Variants in NDRG3 observed in about 807,000 individuals in gnomAD.
NDRG3 encodes NDRG family member 3, also known as protein NDRG3.
A neutral mutation model predicts 57.2 loss-of-function variants in NDRG3; 23 were observed. The observed-to-expected ratio is 0.40, with a 90% CI of 0.29 to 0.57. The LOEUF (loss-of-function observed/expected upper bound fraction) is 0.57, where lower values mean the gene tolerates loss of function less well. Ranked by LOEUF, NDRG3 falls within the 20% of genes least tolerant of loss-of-function variation. The probability of loss-of-function intolerance (pLI) is 0.42; values close to 1 mark genes in which losing one functional copy is unlikely to be tolerated. For missense variants in NDRG3, 384 were observed against 457.3 expected (o/e 0.84, Z 1.46); for synonymous variants, 132 against 162.6 (o/e 0.81, Z 1.43).
intron 6 of NDRG3, among the ~76,000 whole-genome samples, chr20:36,683,828 A>G (rs931905650): frequency 2.6e-5 from 4 of 151,722 alleles, no homozygotes; most frequent in Non-Finnish European, 4.4e-5. Context: ...ACCTACTACT[A>G]TCTACTTCAA....
At chr20:36,691,795 A>G (rs1364347625) in intron 3 of NDRG3, among the ~76,000 whole-genome samples, 1 of 152,236 alleles carries the variant, frequency 6.6e-6, no homozygotes, top group African/African-American at 2.4e-5. Flanking sequence ...TATTTCTCTT[A>G]CAGTAATGTC....
chr20:36,742,508 T>A (rs777400435), intron 1 of NDRG3, among the ~76,000 whole-genome samples: 2 of 152,216 alleles, frequency 1.3e-5, no homozygotes, highest in Non-Finnish European at 2.9e-5. Context: ...TGATTATGGA[T>A]ATTTACCAGG....
intron 3 of NDRG3, among the ~76,000 whole-genome samples, chr20:36,700,922 T>C (rs990832095): frequency 3.3e-5 from 5 of 152,044 alleles, no homozygotes; most frequent in African/African-American, 9.7e-5. Flanking sequence ...CACACATGCT[T>C]GCCATCATAC....
At chr20:36,662,340 G>A (rs188258665) in intron 12 of NDRG3, among the ~76,000 whole-genome samples, 14 of 150,786 alleles carry the variant, frequency 9.3e-5, no homozygotes, top group Admixed American at 4.7e-4. Flanking sequence ...CAATTCTCTC[G>A]CCAAGTAGCT....
intron 3 of NDRG3, among the ~76,000 whole-genome samples, chr20:36,698,682 TATA>T (rs1983003209): frequency 6.6e-6 from 1 of 152,092 alleles, no homozygotes; most frequent in Non-Finnish European, 1.5e-5. Context: ...CAACCTTCTC[TATA>T]ATGTCAAAAA....
Position 36,665,230 on chromosome 20 carries a change from A to G in NDRG3, c.758+6T>C. The G allele has an allele frequency of 6.2e-7, 1 of 1,614,010 alleles. No individual in the cohort carries two copies. Among genetic ancestry groups the G allele is most frequent in the Non-Finnish European group, 8.5e-7 (1 of 1,179,860 alleles). On this transcript the variant is annotated splice_donor_region_variant and intron_variant, in intron 11 of 15. Coordinates refer to ENST00000349004, the MANE Select transcript of NDRG3 (RefSeq NM_032013.4). The stretch of plus-strand genomic sequence containing the variant: ...GCAAGTCAGCTGAGGAAACTGAGGA[A>G]CTTACTTTAATGTTTTTGATTTGTT...
intron 2 of NDRG3, among the ~76,000 whole-genome samples, chr20:36,710,017 A>G (rs1207725370): frequency 6.6e-6 from 1 of 152,172 alleles, no homozygotes; most frequent in Non-Finnish European, 1.5e-5. Flanking sequence ...ACATTAAAAT[A>G]TGCATTAAAA....
chr20:36,689,464 G>A (rs1268330568), intron 3 of NDRG3, among the ~76,000 whole-genome samples: 1 of 152,086 alleles, frequency 6.6e-6, no homozygotes, highest in African/African-American at 2.4e-5. Context: ...AAAAATCAGA[G>A]GTTTTGGAGC....
chr20:36,738,268 C>T (rs1985709479), intron 1 of NDRG3, among the ~76,000 whole-genome samples: 1 of 150,996 alleles, frequency 6.6e-6, no homozygotes, highest in South Asian at 2.1e-4. Context: ...TCTCCTAGCA[C>T]TTTCGGAGGC....
intron 8 of NDRG3, among the ~76,000 whole-genome samples, chr20:36,676,371 TTAAAA>T (rs1342302716): frequency 1.4e-4 from 21 of 152,264 alleles, no homozygotes; most frequent in African/African-American, 4.6e-4. Flanking sequence ...TAGTTTTAGA[TTAAAA>T]TAACATACAC....
chr20:36,709,539 T>C (rs1356588857), intron 2 of NDRG3, among the ~76,000 whole-genome samples: 1 of 152,206 alleles, frequency 6.6e-6, no homozygotes, highest in Non-Finnish European at 1.5e-5. Flanking sequence ...ACTAAGATAC[T>C]GTGCAGATGG....
intron 3 of NDRG3, among the ~76,000 whole-genome samples, chr20:36,694,872 C>T (rs545177976): frequency 3.4e-4 from 51 of 152,236 alleles, no homozygotes; most frequent in African/African-American, 1.2e-3. Context: ...ATTCTCCCAC[C>T]TCAGCCTCTC....
chr20:36,732,416 T>C (rs545125340), intron 1 of NDRG3, among the ~76,000 whole-genome samples: 3 of 152,286 alleles, frequency 2.0e-5, no homozygotes, highest in Admixed American at 6.5e-5. Context: ...CAGAGACGCA[T>C]GGATTCTTCC....
chr20:36,698,202 G>T (rs1982963870), intron 3 of NDRG3, among the ~76,000 whole-genome samples: 1 of 151,826 alleles, frequency 6.6e-6, no homozygotes, highest in South Asian at 2.1e-4. Flanking sequence ...CCTGAACTCA[G>T]GTGACCTGGC....
At chr20:36,669,810 C>G (rs970890167) in intron 9 of NDRG3, among the ~76,000 whole-genome samples, 4 of 152,064 alleles carry the variant, frequency 2.6e-5, no homozygotes, top group Non-Finnish European at 4.4e-5. Flanking sequence ...GTTGGCCATG[C>G]TGGTCTCAAA....
At chr20:36,723,783 T>C (rs568516016) in intron 1 of NDRG3, among the ~76,000 whole-genome samples, 1 of 151,536 alleles carries the variant, frequency 6.6e-6, no homozygotes, top group African/African-American at 2.4e-5. Flanking sequence ...CGTGGTTCAC[T>C]GGAACCTCCG....
chr20:36,722,574 A>G (rs1440742241), intron 1 of NDRG3, among the ~76,000 whole-genome samples: 1 of 152,224 alleles, frequency 6.6e-6, no homozygotes, highest in Non-Finnish European at 1.5e-5. Flanking sequence ...AGACGGATTA[A>G]GCGGGGACAA....
chr20:36,675,464 G>A (rs1223520009), intron 8 of NDRG3, among the ~76,000 whole-genome samples: 1 of 148,982 alleles, frequency 6.7e-6, no homozygotes, highest in Non-Finnish European at 1.5e-5. Flanking sequence ...TCGACTCACT[G>A]CAACCTCCAC....
At chr20:36,693,151 CACATATACACATATAT>C (rs1982469494) in intron 3 of NDRG3, among the ~76,000 whole-genome samples, 1 of 94,912 alleles carries the variant, frequency 1.1e-5, no homozygotes, top group Non-Finnish European at 1.9e-5. Flanking sequence ...TACACACACA[CACATATACACATATAT>C]ATATACACAC....
Sources: allele counts gnomAD v4.1 joint callset (sites outside exome capture counted in the v4.1 genomes callset), GRCh38; gene constraint gnomAD v4.1.1; transcripts MANE v1.5; gene names NCBI Gene and HGNC (gene_info 2026-07-23, HGNC 2026-07-21).